The following COL4A5 variants were observed in gnomAD, a reference collection of about 807,000 sequenced individuals.
COL4A5 encodes the protein collagen type IV alpha 5 chain, also known as collagen alpha-5(IV) chain.
COL4A5 carries 26 observed loss-of-function variants against 130.2 expected under a neutral mutation model. The ratio of observed to expected loss-of-function variants is 0.20; its 90% CI spans 0.15 to 0.28. The LOEUF is 0.28. Among genes scored for constraint, COL4A5 ranks in the 10% least tolerant of loss-of-function variants. The pLI, the probability that COL4A5 is intolerant of heterozygous loss-of-function variation, is 1.00. For missense variants in COL4A5, 1,131 were observed against 1,344.3 expected (o/e 0.84, Z 2.48); for synonymous variants, 496 against 439.6 (o/e 1.13, Z -1.60).
intron 1 of COL4A5, among the ~76,000 whole-genome samples, chrX:108,504,039 G>A (rs2065103682): frequency 9.0e-6 from 1 of 111,631 alleles, no homozygotes; most frequent in Admixed American, 9.5e-5. Flanking sequence ...TGGTACAAAA[G>A]TAGGCACATA....
chrX:108,680,716 G>A lies in COL4A5; in HGVS notation c.3980G>A (p.Gly1327Glu). The change falls in exon 45 of 53, where the codon GGA becomes GAA. Residue 1327 changes from glycine to glutamate, a missense_variant. By Grantham distance (98) the Gly-to-Glu change is moderately conservative. Transcript: ENST00000328300. ...CGGCCGGGTCTCAATGGAATGAAAG[G>A]AGATCCTGGTCTCCCTGGTGTTCCA... is the stretch of plus-strand genomic sequence containing the variant. The part of the protein sequence containing the change: ...PGRPGLNGMK[G>E]DPGLPGVPGF... 1 of 1,210,903 alleles carries A rather than the reference G, an allele frequency of 8.3e-7. No individual in the cohort carries two copies. Among genetic ancestry groups the A allele is most frequent in the Non-Finnish European group, 1.1e-6 (1 of 894,963 alleles).
At chrX:108,453,470 A>G (rs931957272) in intron 1 of COL4A5, among the ~76,000 whole-genome samples, 6 of 111,915 alleles carry the variant, frequency 5.4e-5, no homozygotes, top group African/African-American at 1.6e-4. Flanking sequence ...AGTAATTTTC[A>G]TAAAAATTCA....
At chrX:108,571,892 G>T (rs1247621074) in intron 8 of COL4A5, 55 bp downstream of exon 8, 4 of 932,257 alleles carry the variant, frequency 4.3e-6, no homozygotes, top group Non-Finnish European at 6.2e-6. Flanking sequence ...AGGAAAGCTG[G>T]CAACTTCAAT....
At chrX:108,545,306 G>T (rs1173126063) in intron 2 of COL4A5, among the ~76,000 whole-genome samples, 1 of 111,174 alleles carries the variant, frequency 9.0e-6, no homozygotes, top group Non-Finnish European at 1.9e-5. Context: ...CTGGTATGTT[G>T]TGTCTTTGTT....
At position 108,620,407 on chromosome X, in the gene COL4A5, A is replaced by C. The variant is rs2067017721; in HGVS notation, c.2658A>C (p.Ala886=). The C allele has an allele frequency of 8.3e-7, 1 of 1,207,205 alleles. No homozygotes were observed. Among genetic ancestry groups the C allele is most frequent in the South Asian group, 1.8e-5 (1 of 56,676 alleles). Residue 886 remains alanine (A), a synonymous_variant, in exon 31 of 53, where the codon GCA becomes GCC. Coordinates refer to ENST00000328300, the MANE Select transcript of COL4A5 (RefSeq NM_033380.3). ...GATCACCAGGGCTTCCAGGAAAAGC[A>C]GGTGCCTCTGGATTTCCAGGTAATT... ...PPGSPGLPGK[A]GASGFPGTKG...
At chrX:108,445,994 A>C (rs1003819041) in intron 1 of COL4A5, among the ~76,000 whole-genome samples, 2 of 111,401 alleles carry the variant, frequency 1.8e-5, no homozygotes, top group Non-Finnish European at 3.8e-5. Flanking sequence ...GTAAGAGTAC[A>C]ATTTTTGAAT....
At chrX:108,689,898 C>T (rs1569508649) in intron 49 of COL4A5, 4 of 752,702 alleles carry the variant, frequency 5.3e-6, no homozygotes, top group South Asian at 6.8e-5. Flanking sequence ...ACTCTCTCTT[C>T]GAAAATTTGG....
At chrX:108,569,988 C>T (rs1451382802) in intron 6 of COL4A5, among the ~76,000 whole-genome samples, 6 of 111,484 alleles carry the variant, frequency 5.4e-5, no homozygotes, top group Admixed American at 9.6e-5. Context: ...CCAGATCTTT[C>T]TAACTAATGG....
intron 1 of COL4A5, among the ~76,000 whole-genome samples, chrX:108,526,671 C>CTCTTTCTTTCTT (rs71946950): frequency 1.2e-3 from 51 of 41,874 alleles, no homozygotes; most frequent in East Asian, 1.7e-3. Flanking sequence ...TTCTTTCTTT[C>CTCTTTCTTTCTT]TCTTTCTTTC....
At chrX:108,626,873 T>G (rs2067163327) in intron 36 of COL4A5, 1 of 768,515 alleles carries the variant, frequency 1.3e-6, no homozygotes, top group Non-Finnish European at 1.5e-6. Flanking sequence ...TCAGAATCAT[T>G]GGACTCAACA....
chrX:108,624,039 T>C (rs1376743057), intron 33 of COL4A5, among the ~76,000 whole-genome samples, 197 bp from the exon 34 acceptor site: 1 of 112,396 alleles, frequency 8.9e-6, no homozygotes, highest in East Asian at 2.8e-4. Flanking sequence ...CTGAGTGCTC[T>C]GAATTTCTTG....
At chrX:108,543,027 G>C (rs1265777954) in intron 2 of COL4A5, among the ~76,000 whole-genome samples, 2 of 111,062 alleles carry the variant, frequency 1.8e-5, no homozygotes, top group African/African-American at 6.6e-5. Context: ...CAGATAATAG[G>C]TTGCAAAAAT....
At chrX:108,695,739 C>G in intron 52 of COL4A5, 1 of 304,691 alleles carries the variant, frequency 3.3e-6, no homozygotes, top group East Asian at 7.3e-5. Context: ...TAGATTGAGA[C>G]CACCCCAGGA....
At chrX:108,681,987 A>G in intron 47 of COL4A5, 99 bp downstream of exon 47, 1 of 839,390 alleles carries the variant, frequency 1.2e-6, no homozygotes, top group East Asian at 3.5e-5. Flanking sequence ...TACACTTGCC[A>G]TGGTGGTTTG....
chrX:108,524,686 G>A (rs2065296431), intron 1 of COL4A5, among the ~76,000 whole-genome samples: 1 of 110,825 alleles, frequency 9.0e-6, no homozygotes. Context: ...TTTTGGTATT[G>A]TGTGGTTTTA....
intron 1 of COL4A5, among the ~76,000 whole-genome samples, chrX:108,473,613 G>GTATATATATATATATATATATA (rs1230922272): frequency 2.6e-4 from 12 of 46,090 alleles, no homozygotes; most frequent in South Asian, 1.1e-3. Context: ...ATATATATAT[G>GTATATATATATATATATATATA]TATATATATA....
chrX:108,449,729 C>A (rs2064489198), intron 1 of COL4A5, among the ~76,000 whole-genome samples: 1 of 108,795 alleles, frequency 9.2e-6, no homozygotes, highest in Non-Finnish European at 1.9e-5. Context: ...TCTCTGTGAC[C>A]TCACATGGTG....
intron 1 of COL4A5, among the ~76,000 whole-genome samples, chrX:108,492,284 C>G: frequency 9.0e-6 from 1 of 111,667 alleles, no homozygotes; most frequent in South Asian, 3.7e-4. Flanking sequence ...ATTTCTGTTT[C>G]AAATCACTAG....
chrX:108,443,409 A>C (rs1052394203), intron 1 of COL4A5, among the ~76,000 whole-genome samples: 1 of 111,973 alleles, frequency 8.9e-6, no homozygotes, highest in African/African-American at 3.2e-5. Flanking sequence ...TTACTGCATT[A>C]ATTTTAAGTC....
Sources: allele counts gnomAD v4.1 joint callset (sites outside exome capture counted in the v4.1 genomes callset), GRCh38; gene constraint gnomAD v4.1.1; transcripts MANE v1.5; gene names NCBI Gene and HGNC (gene_info 2026-07-23, HGNC 2026-07-21).